EYS: variants seen among roughly 807,000 people sequenced by gnomAD.
The protein encoded by EYS is protein eyes shut homolog.
Under a neutral mutation model 282.1 loss-of-function variants are expected in EYS, and 250 were observed. The observed-to-expected ratio is 0.89, with a 90% confidence interval of 0.80 to 0.98. The LOEUF (loss-of-function observed/expected upper bound fraction) is 0.98. Ranked by LOEUF, EYS falls within the 50% of genes least tolerant of loss-of-function variation. The pLI is 0.00. For missense variants in EYS, 4,016 were observed against 3,709.0 expected (o/e 1.08, Z -2.15); for synonymous variants, 1,355 against 1,282.9 (o/e 1.06, Z -1.20).
At chr6:64,010,802 A>G (rs1029687913) in intron 33 of EYS, among the ~76,000 whole-genome samples, 68 of 152,196 alleles carry the variant, frequency 4.5e-4, no homozygotes, top group African/African-American at 1.6e-3. Flanking sequence ...TCTGTCCTAC[A>G]ATGATACTGG....
chr6:64,804,574 G>A (rs917313646), intron 22 of EYS, among the ~76,000 whole-genome samples: 2 of 151,520 alleles, frequency 1.3e-5, no homozygotes, highest in Non-Finnish European at 2.9e-5. Flanking sequence ...TTTTCCTTTT[G>A]GTTTCAAGAA....
chr6:64,177,010 G>GCTACA (rs57331329), intron 31 of EYS, among the ~76,000 whole-genome samples: 52,028 of 151,016 alleles, frequency 0.34, 8,914 homozygotes, highest in East Asian at 0.53. Flanking sequence ...TGTTGTTGTT[G>GCTACA]CTATCAATGA....
At chr6:63,949,411 G>T (rs1765497991) in intron 35 of EYS, among the ~76,000 whole-genome samples, 1 of 151,976 alleles carries the variant, frequency 6.6e-6, no homozygotes, top group Admixed American at 6.6e-5. Context: ...TCTTTGCCTG[G>T]GTAGCTTTCT....
chr6:64,268,350 A>C (rs918297433), intron 30 of EYS, among the ~76,000 whole-genome samples: 1 of 152,172 alleles, frequency 6.6e-6, no homozygotes, highest in Non-Finnish European at 1.5e-5. Flanking sequence ...TAGGAAGGGT[A>C]TATAAGAAAT....
At chr6:64,619,394 A>T (rs62415851) in intron 23 of EYS, among the ~76,000 whole-genome samples, 16,362 of 152,152 alleles carry the variant, frequency 0.11, 1,056 homozygotes, top group East Asian at 0.16. Context: ...TGCATAGGAG[A>T]CAGATTTTTA....
chr6:64,468,247 G>A (rs576607856), intron 26 of EYS, among the ~76,000 whole-genome samples: 1 of 152,258 alleles, frequency 6.6e-6, no homozygotes, highest in Admixed American at 6.5e-5. Flanking sequence ...CTAAGCTACT[G>A]AGGAACTGAC....
intron 35 of EYS, among the ~76,000 whole-genome samples, chr6:63,889,455 G>A (rs1773352217): frequency 6.6e-6 from 1 of 151,996 alleles, no homozygotes; most frequent in Admixed American, 6.6e-5. Flanking sequence ...CAGAAGAGTG[G>A]GTGTCAATAT....
At chr6:64,396,424 T>A (rs1773379490) in intron 28 of EYS, among the ~76,000 whole-genome samples, 1 of 152,136 alleles carries the variant, frequency 6.6e-6, no homozygotes, top group Admixed American at 6.6e-5. Flanking sequence ...CTGTTTTAGT[T>A]TTTTAATGGT....
At chr6:64,581,566 T>G (rs771346968) in intron 26 of EYS, among the ~76,000 whole-genome samples, 3 of 152,178 alleles carry the variant, frequency 2.0e-5, no homozygotes, top group Non-Finnish European at 4.4e-5. Context: ...TGTTGCATAA[T>G]GCCAGCTTTA....
At chr6:65,442,063 G>A (rs962281298) in intron 5 of EYS, among the ~76,000 whole-genome samples, 101 of 151,944 alleles carry the variant, frequency 6.6e-4, no homozygotes, top group African/African-American at 8.9e-4. Flanking sequence ...CATACACCCC[G>A]TTAGAATTTA....
chr6:63,990,497 A>G (rs1161720466), intron 34 of EYS, among the ~76,000 whole-genome samples: 1 of 151,426 alleles, frequency 6.6e-6, no homozygotes, highest in Non-Finnish European at 1.5e-5. Context: ...CAGCATGCAG[A>G]CTCTTTGGGG....
At chr6:63,947,159 T>A (rs1255407251) in intron 35 of EYS, among the ~76,000 whole-genome samples, 2 of 152,114 alleles carry the variant, frequency 1.3e-5, no homozygotes, top group Non-Finnish European at 2.9e-5. Context: ...CAAAATGTTA[T>A]AATAACATTT....
chr6:65,326,597 T>A (rs1276538271), intron 11 of EYS, among the ~76,000 whole-genome samples: 2 of 151,444 alleles, frequency 1.3e-5, no homozygotes, highest in East Asian at 1.9e-4. Flanking sequence ...AAACAAAAAA[T>A]TTATTTTTGT....
chr6:64,252,999 T>C (rs1340235287), intron 30 of EYS, among the ~76,000 whole-genome samples: 1 of 152,112 alleles, frequency 6.6e-6, no homozygotes, highest in Non-Finnish European at 1.5e-5. Flanking sequence ...TTAGAGCCTT[T>C]AACATAAAGG....
At position 65,296,087 on chromosome 6, in the gene EYS, A is replaced by C. The variant is rs794727057; in HGVS notation, c.1799T>G (p.Leu600Trp). 6.5e-7 allele frequency: 1 copy of C among 1,550,116 alleles called. No homozygotes were observed. The highest frequency in any genetic ancestry group is 2.0e-5 in the Admixed American group (1 of 50,806). Residue 600 changes from leucine (L) to tryptophan (W), a missense_variant, in exon 12 of 43, where the codon TTG (leucine) becomes TGG (tryptophan). Leu to Trp is a moderately conservative substitution (Grantham distance 61, BLOSUM62 -2). Transcript: ENST00000503581. ...GCAATAGTCAACATTGACAACACAC[A>C]ATCTGCCAATGTAACTAAGAGAACA... The part of the protein sequence containing the change: ...CSCSLSYIGR[L>W]CVVNVDYCLG...
chr6:65,202,879 G>T (rs1582012870), intron 12 of EYS, among the ~76,000 whole-genome samples: 1 of 152,248 alleles, frequency 6.6e-6, no homozygotes. Flanking sequence ...TGCAGGAGAG[G>T]CACCTCCAAC....
chr6:64,398,595 A>G (rs1411474167), intron 28 of EYS, among the ~76,000 whole-genome samples: 2 of 151,854 alleles, frequency 1.3e-5, no homozygotes, highest in Non-Finnish European at 1.5e-5. Flanking sequence ...ATCCAAACAC[A>G]TTTATCCAGG....
chr6:64,938,404 T>C (rs1179786535), intron 15 of EYS, among the ~76,000 whole-genome samples: 10 of 151,550 alleles, frequency 6.6e-5, no homozygotes, highest in Admixed American at 6.6e-4. Flanking sequence ...ATTTTTCTAT[T>C]TAATTAGTAG....
Position 65,559,764 on chromosome 6 carries a change from T to C in EYS, c.-332-63771A>G, listed in dbSNP as rs538132293. 5.3e-5 allele frequency among the ~76,000 whole-genome samples: 8 copies of C among 152,202 alleles called. No individual in the cohort carries two copies. The East Asian group carries it at 1.5e-3, about 29-fold the overall frequency. ...TATTTTGATACACTAATAATATAGTTATAAAACTTTTCCAATAAAGTTGTC... is the reference window on the plus strand; with the variant it reads ...TATTTTGATACACTAATAATATAGTCATAAAACTTTTCCAATAAAGTTGTC... On this transcript the variant is annotated intron_variant, in intron 2 of 42. Coordinates refer to ENST00000503581, the MANE Select transcript of EYS (RefSeq NM_001142800.2).
Sources: allele counts gnomAD v4.1 joint callset (sites outside exome capture counted in the v4.1 genomes callset), GRCh38; gene constraint gnomAD v4.1.1; transcripts MANE v1.5; gene names NCBI Gene and HGNC (gene_info 2026-07-23, HGNC 2026-07-21).